The following KMT2E variants were observed in gnomAD, a reference collection of about 807,000 sequenced individuals.
KMT2E encodes histone reader KMT2E.
A neutral mutation model predicts 184.6 loss-of-function variants in KMT2E; 30 were observed. The ratio of observed to expected loss-of-function variants is 0.16; its 90% CI spans 0.12 to 0.22. The LOEUF (loss-of-function observed/expected upper bound fraction) is 0.22. KMT2E is among the 10% of genes least tolerant of loss of function. KMT2E has a pLI of 1.00. For synonymous variants in KMT2E, 815 were observed against 776.5 expected, an observed-to-expected ratio of 1.05 and a Z score of -0.82; for missense variants, 2,023 against 2,237.4, an observed-to-expected ratio of 0.90 and a Z score of 1.93.
intron 2 of KMT2E, among the ~76,000 whole-genome samples, chr7:105,039,801 A>G (rs925575194): frequency 6.6e-6 from 1 of 152,184 alleles, no homozygotes; most frequent in African/African-American, 2.4e-5. Context: ...AGAGACAAGG[A>G]TAATGACTGT....
intron 3 of KMT2E, among the ~76,000 whole-genome samples, chr7:105,061,263 C>G (rs1027936369): frequency 2.6e-5 from 4 of 152,050 alleles, no homozygotes; most frequent in Non-Finnish European, 5.9e-5. Context: ...AATAATAGTG[C>G]AAATAGTACT....
rs549621124 is a variant in KMT2E, at chr7:105,041,063, A to C, written c.71+40A>C. The C allele has an allele frequency of 3.0e-5, 40 of 1,316,448 alleles. 1 individual carries two copies. In the Middle Eastern group the frequency reaches 1.0e-3, roughly 33 times the overall value. 81.5% of individuals were successfully genotyped at this position (1,316,448 alleles called of 1,614,324 possible). On this transcript the variant is annotated intron_variant, in intron 3 of 26. Transcript: ENST00000311117. ...TGGTTACATAAGCAAAAAAAAAAAA[A>C]AAACCCTTCTGGAGCTAGAAAGTAG...
chr7:105,068,639 G>GTTTTTTTTTTTTTT (rs1162488673), intron 6 of KMT2E, among the ~76,000 whole-genome samples: 3 of 111,548 alleles, frequency 2.7e-5, no homozygotes, highest in African/African-American at 4.0e-5. Context: ...TTTTTTTTTT[G>GTTTTTTTTTTTTTT]TTTTTTTTTT....
In KMT2E at chr7:105,060,777, AGCATTGTGTTACCTACAATATTCAGT is replaced by A. The variant is rs753484145; in HGVS notation, c.72-1370_72-1345del. ...AGATGTGTTTAGATACAGAATACTT[AGCATTGTGTTACCTACAATATTCAGT>A]GCATTGTGTTACCTACGATATTCAG... On this transcript the variant is annotated intron_variant, in intron 3 of 26. Coordinates refer to ENST00000311117, the MANE Select transcript of KMT2E (RefSeq NM_182931.3). 5.0e-4 allele frequency among the ~76,000 whole-genome samples: 76 copies of A among 152,286 alleles called. No homozygotes were observed. In the Middle Eastern group the frequency reaches 0.014, roughly 27 times the overall value.
At chr7:105,091,147 A>C in intron 14 of KMT2E, 69 bp from the exon 15 acceptor site, 4 of 687,598 alleles carry the variant, frequency 5.8e-6, no homozygotes, top group Non-Finnish European at 1.0e-5. Context: ...AGACATTAAA[A>C]TAGTTTAATG....
chr7:105,024,870 ACTCT>A (rs1247130922), intron 1 of KMT2E, among the ~76,000 whole-genome samples: 1 of 151,912 alleles, frequency 6.6e-6, no homozygotes, highest in African/African-American at 2.4e-5. Flanking sequence ...CAAATGACAG[ACTCT>A]CTGTCTACTG....
At chr7:105,075,082 C>T (rs1342741605) in intron 8 of KMT2E, among the ~76,000 whole-genome samples, 1 of 151,998 alleles carries the variant, frequency 6.6e-6, no homozygotes, top group Non-Finnish European at 1.5e-5. Context: ...AATAGAAAGC[C>T]TTCATAGTTT....
rs1796734822 is a variant in KMT2E at position 105,059,978 on chromosome 7, G to GTTGTTTTTTTTTTT, written c.72-2184_72-2183insGTTTTTTTTTTTTT. ...GCTGAATATTGATTTTCTTGTTGTT[G>GTTGTTTTTTTTTTT]TTTTTTTTTTTTTTTTTTTTTTTTT... On this transcript the variant is annotated intron_variant, in intron 3 of 26. Coordinates refer to ENST00000311117, the MANE Select transcript of KMT2E (RefSeq NM_182931.3). Among the ~76,000 whole-genome samples, 4 of 51,764 alleles carry GTTGTTTTTTTTTTT rather than the reference G, an allele frequency of 7.7e-5. 1 individual carries two copies. The highest frequency in any genetic ancestry group is 2.3e-4 in the African/African-American group (4 of 17,166). The allele number at this position is 51,764 out of a possible 152,430, so 34.0% of individuals were successfully genotyped here. A position where few individuals can be genotyped will look rare whatever the true frequency, so the allele number is the denominator to read the frequency against.
chr7:105,018,479 C>G (rs957055807), intron 1 of KMT2E, among the ~76,000 whole-genome samples: 1 of 152,142 alleles, frequency 6.6e-6, no homozygotes, highest in Non-Finnish European at 1.5e-5. Context: ...ACATTTACAT[C>G]TCAAATATGT....
chr7:105,090,326 C>G, intron 14 of KMT2E, 53 bp downstream of exon 14: 2 of 1,533,924 alleles, frequency 1.3e-6, no homozygotes, highest in South Asian at 2.5e-5. Context: ...AATAATCTGT[C>G]ATATTTTATC....
At chr7:105,043,814 A>G (rs1407482630) in intron 3 of KMT2E, among the ~76,000 whole-genome samples, 1 of 152,138 alleles carries the variant, frequency 6.6e-6, no homozygotes, top group East Asian at 1.9e-4. Flanking sequence ...AATTCAGCTC[A>G]GTGTGGTGGC....
Position 105,023,990 on chromosome 7 carries a change from CAG to C in KMT2E, c.-189+9457_-189+9458del, listed in dbSNP as rs531199566. ...AGAAGGACAAGTAAAGGAAAAGAAACAGAAAAACACTTAGACTTTCATTACAT... is the reference window on the plus strand; with the variant it reads ...AGAAGGACAAGTAAAGGAAAAGAAACAAAAACACTTAGACTTTCATTACAT... On this transcript the variant is annotated intron_variant, in intron 1 of 26. Transcript: ENST00000311117. 5.9e-5 allele frequency among the ~76,000 whole-genome samples: 9 copies of C among 152,110 alleles called. No homozygotes were observed. In the South Asian group the frequency reaches 1.0e-3, roughly 18 times the overall value.
chr7:105,065,023 C>T (rs1260327495), intron 5 of KMT2E, among the ~76,000 whole-genome samples: 2 of 152,154 alleles, frequency 1.3e-5, no homozygotes, highest in African/African-American at 4.8e-5. Context: ...GTTTTTATAT[C>T]CATCTACAAA....
intron 1 of KMT2E, among the ~76,000 whole-genome samples, chr7:105,020,857 A>G (rs1794921763): frequency 6.6e-6 from 1 of 152,234 alleles, no homozygotes; most frequent in Admixed American, 6.5e-5. Context: ...TGGTGAAAAG[A>G]AAAGAATTAA....
rs906997568 is a variant in KMT2E, at chr7:105,102,048, A to G, written c.2050A>G (p.Ile684Val). The G allele has an allele frequency of 2.0e-5, 33 of 1,613,884 alleles. No homozygotes were observed. Among genetic ancestry groups the G allele is most frequent in the Non-Finnish European group, 2.7e-5 (32 of 1,179,882 alleles). Residue 684 changes from isoleucine to valine, a missense_variant, in exon 17 of 27, where the codon ATA (isoleucine) becomes GTA (valine). Physicochemically the swap from Ile to Val is conservative, Grantham distance 29. Coordinates refer to ENST00000311117, the MANE Select transcript of KMT2E (RefSeq NM_182931.3). ...AGATATCCAGCCATCTTCTCCTGAT[A>G]TAGAAGTTACTTCACAACAAAATGA... The part of the protein sequence containing the change: ...CSDIQPSSPD[I>V]EVTSQQNDIE...
At chr7:105,097,452 C>G (rs1798457274) in intron 15 of KMT2E, among the ~76,000 whole-genome samples, 1 of 152,170 alleles carries the variant, frequency 6.6e-6, no homozygotes, top group East Asian at 1.9e-4. Flanking sequence ...GTGGCACAAT[C>G]TTGGCTCACC....
intron 1 of KMT2E, among the ~76,000 whole-genome samples, chr7:105,025,839 G>A (rs1049864804): frequency 2.0e-5 from 3 of 152,164 alleles, no homozygotes. Flanking sequence ...GTCAGTTTAG[G>A]TGTGGGCAAG....
At chr7:105,086,817 A>G (rs905723283) in intron 13 of KMT2E, among the ~76,000 whole-genome samples, 60 of 147,292 alleles carry the variant, frequency 4.1e-4, no homozygotes, top group African/African-American at 1.5e-3. Context: ...TATATAAAAT[A>G]TATATACCAC....
intron 1 of KMT2E, among the ~76,000 whole-genome samples, chr7:105,024,954 T>G (rs539535341): frequency 6.6e-6 from 1 of 152,202 alleles, no homozygotes; most frequent in East Asian, 1.9e-4. Context: ...ATAAGGAGCT[T>G]GAATTAAAAT....
Sources: allele counts gnomAD v4.1 joint callset (sites outside exome capture counted in the v4.1 genomes callset), GRCh38; gene constraint gnomAD v4.1.1; transcripts MANE v1.5; gene names NCBI Gene and HGNC (gene_info 2026-07-23, HGNC 2026-07-21).